The following CHD2 variants were observed in gnomAD, a reference collection of about 807,000 sequenced individuals.
CHD2 encodes ATP-dependent chromatin remodeler CHD2.
A neutral mutation model predicts 243.9 loss-of-function variants in CHD2; 28 were observed. That is an observed-to-expected ratio of 0.11 (90% CI 0.09 to 0.16). The LOEUF (loss-of-function observed/expected upper bound fraction) is 0.16. CHD2 is among the 10% of genes least tolerant of loss of function. The pLI, the probability that CHD2 is intolerant of heterozygous loss-of-function variation, is 1.00. For synonymous variants in CHD2, 775 were observed against 779.0 expected (o/e 0.99, Z 0.09); for missense variants, 1,386 against 2,209.8 (o/e 0.63, Z 7.47).
chr15:92,940,560 G>A (rs1170143515), intron 7 of CHD2, among the ~76,000 whole-genome samples: 2 of 151,558 alleles, frequency 1.3e-5, no homozygotes, highest in Admixed American at 6.6e-5. Context: ...TCTTCATAGA[G>A]ATGGTGAAAA....
intron 31 of CHD2, 56 bp from the exon 32 acceptor site, chr15:93,000,456 T>A (rs968954833): frequency 6.4e-5 from 97 of 1,526,980 alleles, no homozygotes; most frequent in Admixed American, 4.2e-5. Context: ...GTTGTTTGGT[T>A]ATGCTTTTGA....
chr15:93,000,471 C>G, intron 31 of CHD2, 41 bp from the exon 32 acceptor site: 2 of 1,575,814 alleles, frequency 1.3e-6, no homozygotes, highest in Non-Finnish European at 1.7e-6. Context: ...TTTTGAGTGT[C>G]TTGATTTGTA....
chr15:93,024,369 C>A lies in CHD2; in HGVS notation c.5154-3C>A, dbSNP rs924030126. 4 of 1,609,880 alleles carry A rather than the reference C, an allele frequency of 2.5e-6. No homozygotes were observed. Among genetic ancestry groups the A allele is most frequent in the African/African-American group, 2.7e-5 (2 of 74,844 alleles). On this transcript the variant is annotated splice_polypyrimidine_tract_variant and splice_region_variant and intron_variant, in intron 38 of 38. Transcript: ENST00000394196. ...TCGACTAATCCTTGCATCTCTATTTCAGGCACCATCATGACTCCAAGCGGA... is the reference window on the plus strand; with the variant it reads ...TCGACTAATCCTTGCATCTCTATTTAAGGCACCATCATGACTCCAAGCGGA...
chr15:92,989,874 G>A (rs775813213), intron 26 of CHD2, among the ~76,000 whole-genome samples: 10 of 152,210 alleles, frequency 6.6e-5, no homozygotes, highest in Admixed American at 2.6e-4. Flanking sequence ...TCCCAGGAGC[G>A]TGCGGAAGGA....
intron 38 of CHD2, 21 bp from the exon 39 acceptor site, chr15:93,024,351 A>G: frequency 6.2e-7 from 1 of 1,601,926 alleles, no homozygotes; most frequent in Non-Finnish European, 8.5e-7. Flanking sequence ...CTTTCGACTA[A>G]TCCTTGCATC....
intron 2 of CHD2, among the ~76,000 whole-genome samples, chr15:92,921,219 G>A (rs1257360680): frequency 6.6e-6 from 1 of 152,120 alleles, no homozygotes; most frequent in Non-Finnish European, 1.5e-5. Flanking sequence ...AATTAGAGAG[G>A]TATTTAATTT....
At chr15:92,986,306 T>C (rs1312925714) in intron 26 of CHD2, among the ~76,000 whole-genome samples, 2 of 152,148 alleles carry the variant, frequency 1.3e-5, no homozygotes, top group African/African-American at 4.8e-5. Context: ...TTTCCATCTT[T>C]TTTTTTTAAG....
rs1567114712 is a variant in CHD2, at chr15:92,900,562, G to GC, written c.-331dup. 7.5e-6 allele frequency: 3 copies of GC among 398,466 alleles called. No individual in the cohort carries two copies. Among genetic ancestry groups the GC allele is most frequent in the Admixed American group, 4.4e-5 (1 of 22,704 alleles). 24.7% of individuals were successfully genotyped at this position (398,466 alleles called of 1,614,324 possible). The stretch of plus-strand genomic sequence containing the variant: ...TTGGAAAGAAGCAGCCGTACTGAGA[G>GC]CCCAGGTCGTTGTTTTTTCCAGCTT... On this transcript the variant is annotated 5_prime_UTR_variant, in exon 1 of 39. Transcript: ENST00000394196.
In CHD2 at chr15:93,014,904, A is replaced by C. The variant is rs761860129; in HGVS notation, c.4901A>C (p.Asn1634Thr). ...CACCCCAACAAGAGACACTTCAGTAATGCAGGTAGGTCATTAAGTGGAGTT... is the reference window on the plus strand; with the variant it reads ...CACCCCAACAAGAGACACTTCAGTACTGCAGGTAGGTCATTAAGTGGAGTT... ...YNHPNKRHFSNADRGDWQRER... is the reference protein window; with the variant it reads ...YNHPNKRHFSTADRGDWQRER... The change falls in exon 37 of 39, where the codon AAT becomes ACT. Residue 1634 changes from asparagine to threonine, a missense_variant. Physicochemically the swap from Asn to Thr is moderately conservative, Grantham distance 65 (BLOSUM62 0). This residue lies in a region of CHD2 where 347 missense variants were observed against 341.6 expected (regional missense o/e 1.02). Coordinates refer to ENST00000394196, the MANE Select transcript of CHD2 (RefSeq NM_001271.4). 5 of 1,613,516 alleles carry C rather than the reference A, an allele frequency of 3.1e-6. No individual in the cohort carries two copies. In the South Asian group the frequency reaches 5.5e-5, roughly 18 times the overall value.
rs987898061 is a variant in CHD2, at chr15:92,937,617, C to A, written c.543C>A (p.Val181=). Reference sequence around the variant, plus strand: ...AAAAAGTAAAAGCCAGAAGACCTGTCCCCAGAAGGTGCACTGTTTGCTTAA... The same window carrying A: ...AAAAAGTAAAAGCCAGAAGACCTGTACCCAGAAGGTGCACTGTTTGCTTAA... ...EQKKVKARRP[V]PRRTVPKPRV... The change falls in exon 6 of 39, where the codon GTC becomes GTA. Residue 181 remains valine (V), a synonymous_variant. Coordinates refer to ENST00000394196, the MANE Select transcript of CHD2 (RefSeq NM_001271.4). 1.2e-5 allele frequency: 19 copies of A among 1,611,432 alleles called. No homozygotes were observed. Among genetic ancestry groups the A allele is most frequent in the Non-Finnish European group, 1.5e-5 (18 of 1,178,318 alleles).
At position 92,998,366 on chromosome 15, in the gene CHD2, C is replaced by G; in HGVS notation, c.3886-133C>G. On this transcript the variant is annotated intron_variant, in intron 30 of 38. Coordinates refer to ENST00000394196, the MANE Select transcript of CHD2 (RefSeq NM_001271.4). This position sits in a 1 kb window ranked among gnomAD's most constrained non-coding sequence, Gnocchi z 5.1. ...GGGAGCCATGGACATGAGATAGGATCTGAGGCTTTATCTATATTTTGGGTG... is the reference window on the plus strand; with the variant it reads ...GGGAGCCATGGACATGAGATAGGATGTGAGGCTTTATCTATATTTTGGGTG... 2 of 1,440,928 alleles carry G rather than the reference C, an allele frequency of 1.4e-6. No homozygotes were observed. Among genetic ancestry groups the G allele is most frequent in the Non-Finnish European group, 9.4e-7 (1 of 1,068,534 alleles). The allele number at this position is 1,440,928 out of a possible 1,614,324, so 89.3% of individuals were successfully genotyped here.
At position 92,946,073 on chromosome 15, in the gene CHD2, G is replaced by A. The variant is rs541056569; in HGVS notation, c.1234G>A (p.Glu412Lys). The change falls in exon 12 of 39, where the codon GAA (glutamate) becomes AAA (lysine). Residue 412 changes from glutamate to lysine, a missense_variant. By Grantham distance (56) the Glu-to-Lys change is moderately conservative. Coordinates refer to ENST00000394196, the MANE Select transcript of CHD2 (RefSeq NM_001271.4). ...GAAGCCGGCACCCTCAAATGAGCCCGAATATCTATGTAAATGGATGGGACT... is the reference window on the plus strand; with the variant it reads ...GAAGCCGGCACCCTCAAATGAGCCCAAATATCTATGTAAATGGATGGGACT... The part of the protein sequence containing the change: ...SRKPAPSNEP[E>K]YLCKWMGLPY... The A allele has an allele frequency of 4.4e-6, 7 of 1,603,660 alleles. No homozygotes were observed. The highest frequency in any genetic ancestry group is 1.3e-5 in the African/African-American group (1 of 74,686).
In CHD2 at chr15:92,970,459, C is replaced by A. The variant is rs2053826600; in HGVS notation, c.2190-1306C>A. On this transcript the variant is annotated intron_variant, in intron 17 of 38. Coordinates refer to ENST00000394196, the MANE Select transcript of CHD2 (RefSeq NM_001271.4). ...CAGGTGATCTGCCCCCTTCGGCCTC[C>A]CAAAGTGCTGGGATTAACAGGTGTG... Among the ~76,000 whole-genome samples the A allele has an allele frequency of 2.0e-5, 3 of 152,278 alleles. No homozygotes were observed. The South Asian group carries it at 6.2e-4, about 32-fold the overall frequency.
chr15:93,019,995 T>C lies in CHD2; in HGVS notation c.4907-17T>C, dbSNP rs1326322097. The C allele has an allele frequency of 6.2e-7, 1 of 1,603,550 alleles. No homozygotes were observed. The highest frequency in any genetic ancestry group is 1.1e-5 in the South Asian group (1 of 90,456). On this transcript the variant is annotated splice_polypyrimidine_tract_variant and intron_variant, in intron 37 of 38. Coordinates refer to ENST00000394196, the MANE Select transcript of CHD2 (RefSeq NM_001271.4). ...CCATTTCTTGCAGTCATCAGATCATTCTTTCTTTTCCTGCAGATCGAGGAG... is the reference window on the plus strand; with the variant it reads ...CCATTTCTTGCAGTCATCAGATCATCCTTTCTTTTCCTGCAGATCGAGGAG...
chr15:92,984,044 G>T (rs1172419671), intron 24 of CHD2, among the ~76,000 whole-genome samples: 4 of 152,106 alleles, frequency 2.6e-5, no homozygotes, highest in African/African-American at 9.7e-5. Context: ...ACATGTATAT[G>T]ATTTATAACA....
chr15:92,918,640 C>G (rs2052888426), intron 2 of CHD2, among the ~76,000 whole-genome samples: 1 of 151,986 alleles, frequency 6.6e-6, no homozygotes, highest in Non-Finnish European at 1.5e-5. Context: ...TCTGCCTCCT[C>G]TACTAAACCA....
chr15:92,908,758 G>C (rs2052670239), intron 2 of CHD2, among the ~76,000 whole-genome samples: 1 of 152,176 alleles, frequency 6.6e-6, no homozygotes, highest in African/African-American at 2.4e-5. Context: ...GGGAATTGTA[G>C]GCTTGATGGA....
chr15:92,977,545 C>T (rs2053926026), intron 20 of CHD2, among the ~76,000 whole-genome samples: 3 of 152,084 alleles, frequency 2.0e-5, no homozygotes, highest in Non-Finnish European at 2.9e-5. Context: ...TTCTCCTGCC[C>T]CCATATTTTT....
intron 34 of CHD2, among the ~76,000 whole-genome samples, 171 bp downstream of exon 34, chr15:93,004,922 AAG>A (rs1190508305): frequency 6.6e-6 from 1 of 152,136 alleles, no homozygotes; most frequent in African/African-American, 2.4e-5. Context: ...GGCTGGCAGG[AAG>A]AGATTTTCTT....
Sources: allele counts gnomAD v4.1 joint callset (sites outside exome capture counted in the v4.1 genomes callset), GRCh38; gene constraint gnomAD v4.1.1; regional missense constraint gnomAD v4.1.1; non-coding constraint Gnocchi (gnomAD v3.1); transcripts MANE v1.5; gene names NCBI Gene and HGNC (gene_info 2026-07-23, HGNC 2026-07-21).